Variants in KDM4C observed in about 807,000 individuals in gnomAD.
KDM4C encodes lysine-specific demethylase 4C.
In KDM4C, 81 loss-of-function variants were observed where a neutral mutation model predicts 129.3. That is an observed-to-expected ratio of 0.63 (90% CI 0.52 to 0.75). The LOEUF (loss-of-function observed/expected upper bound fraction) is 0.75. Among genes scored for constraint, KDM4C ranks in the 30% least tolerant of loss-of-function variants. The pLI, the probability that KDM4C is intolerant of heterozygous loss-of-function variation, is 0.00. For missense variants in KDM4C, 1,457 were observed against 1,304.0 expected, an observed-to-expected ratio of 1.12 and a Z score of -1.81; for synonymous variants, 573 against 456.1, an observed-to-expected ratio of 1.26 and a Z score of -3.26.
chr9:7,138,219 G>A (rs1841406356), intron 19 of KDM4C, among the ~76,000 whole-genome samples: 1 of 152,188 alleles, frequency 6.6e-6, no homozygotes, highest in African/African-American at 2.4e-5. Context: ...GCTAAGAAGT[G>A]AGTGAAATGC....
chr9:7,014,099 C>T lies in KDM4C; in HGVS notation c.2182+98C>T, dbSNP rs1466819040. On this transcript the variant is annotated intron_variant, in intron 14 of 21. Transcript: ENST00000381309. ...GAACCTGTCAGATCTGTTGCATGGA[C>T]TATTGGCATTCTTAATGGTTATATC... 3.4e-6 allele frequency: 3 copies of T among 873,332 alleles called. No homozygotes were observed. In the African/African-American group the frequency reaches 5.1e-5, roughly 15 times the overall value. 54.1% of individuals were successfully genotyped at this position (873,332 alleles called of 1,614,324 possible).
chr9:6,801,884 C>T (rs1206329791), intron 2 of KDM4C, among the ~76,000 whole-genome samples: 1 of 151,924 alleles, frequency 6.6e-6, no homozygotes, highest in Non-Finnish European at 1.5e-5. Flanking sequence ...GCGGGTGGAT[C>T]ACCTGAGGTC....
intron 10 of KDM4C, among the ~76,000 whole-genome samples, chr9:6,985,064 C>CA (rs1817453336): frequency 6.6e-6 from 1 of 152,148 alleles, no homozygotes; most frequent in African/African-American, 2.4e-5. Flanking sequence ...GGGATTCCCC[C>CA]CTCCGCCAGA....
chr9:7,165,340 A>T lies in KDM4C; in HGVS notation c.2884A>T (p.Ile962Phe). Residue 962 changes from isoleucine to phenylalanine, a missense_variant, in exon 20 of 22, where the codon ATT becomes TTT. Physicochemically the swap from Ile to Phe is conservative, Grantham distance 21. Coordinates refer to ENST00000381309, the MANE Select transcript of KDM4C (RefSeq NM_015061.6). The stretch of plus-strand genomic sequence containing the variant: ...TGGAGCAAAATATTTTGGATCAAAT[A>T]TTGCCCACATGTACCAGGTGGGTTC... ...LYGAKYFGSN[I>F]AHMYQVEFED... The T allele has an allele frequency of 1.2e-6, 2 of 1,614,098 alleles. No homozygotes were observed. The highest frequency in any genetic ancestry group is 1.7e-5 in the Admixed American group (1 of 60,016).
intron 4 of KDM4C, among the ~76,000 whole-genome samples, chr9:6,845,978 GT>G (rs1837788624): frequency 6.6e-6 from 1 of 152,224 alleles, no homozygotes. Context: ...TGTAGCTGGG[GT>G]TTGGAGACTG....
chr9:6,785,302 A>G (rs1348387236), intron 1 of KDM4C, among the ~76,000 whole-genome samples: 3 of 149,150 alleles, frequency 2.0e-5, no homozygotes, highest in South Asian at 4.2e-4. Context: ...CCATCTTCAC[A>G]TGGCACTCTT....
intron 18 of KDM4C, among the ~76,000 whole-genome samples, chr9:7,126,870 A>AAAAG (rs143699178): frequency 2.0e-5 from 3 of 152,254 alleles, no homozygotes; most frequent in African/African-American, 7.2e-5. Flanking sequence ...AAAGAAAAGA[A>AAAAG]AAAGAAAGAA....
At chr9:7,060,387 A>G (rs989631875) in intron 17 of KDM4C, among the ~76,000 whole-genome samples, 2 of 151,090 alleles carry the variant, frequency 1.3e-5, no homozygotes, top group African/African-American at 4.8e-5. Context: ...CCCTTGACCC[A>G]GTAGCTCCTA....
chr9:7,018,021 C>T (rs544690360), intron 15 of KDM4C, among the ~76,000 whole-genome samples: 1 of 152,266 alleles, frequency 6.6e-6, no homozygotes, highest in African/African-American at 2.4e-5. Flanking sequence ...GAAGTCCCTG[C>T]ATCAGTGGGC....
intron 4 of KDM4C, among the ~76,000 whole-genome samples, chr9:6,821,531 GC>G (rs1401857176): frequency 2.0e-5 from 3 of 152,102 alleles, no homozygotes; most frequent in Non-Finnish European, 4.4e-5. Context: ...TTTGAGAAGC[GC>G]CTGTTCATAT....
chr9:6,863,344 A>G (rs1479770906), intron 5 of KDM4C, among the ~76,000 whole-genome samples: 1 of 152,152 alleles, frequency 6.6e-6, no homozygotes, highest in African/African-American at 2.4e-5. Flanking sequence ...GGAATACCTG[A>G]GGCAGGGTAA....
At chr9:6,948,263 C>A (rs891077146) in intron 8 of KDM4C, 1 of 152,180 alleles carries the variant, frequency 6.6e-6, no homozygotes, top group Non-Finnish European at 1.5e-5. Flanking sequence ...ATTTGCAAAA[C>A]TACTTGAATC....
intron 7 of KDM4C, among the ~76,000 whole-genome samples, 187 bp from the exon 8 acceptor site, chr9:6,892,908 T>A (rs1846304839): frequency 6.6e-6 from 1 of 152,190 alleles, no homozygotes; most frequent in African/African-American, 2.4e-5. Context: ...TTTAGGAAAG[T>A]CTTTTAAACG....
chr9:6,864,070 T>G (rs1841483498), intron 5 of KDM4C, among the ~76,000 whole-genome samples: 1 of 152,246 alleles, frequency 6.6e-6, no homozygotes, highest in East Asian at 1.9e-4. Context: ...TTTGTTCATG[T>G]ACTTAATTTT....
At chr9:7,107,091 C>T (rs1837779741) in intron 18 of KDM4C, among the ~76,000 whole-genome samples, 1 of 152,164 alleles carries the variant, frequency 6.6e-6, no homozygotes, top group Non-Finnish European at 1.5e-5. Flanking sequence ...TGCTGTGTTT[C>T]AGATGTAAGG....
At chr9:7,036,723 G>A (rs1426665279) in intron 15 of KDM4C, among the ~76,000 whole-genome samples, 1 of 152,132 alleles carries the variant, frequency 6.6e-6, no homozygotes, top group African/African-American at 2.4e-5. Context: ...AATATTTTCA[G>A]TTGGTTAGAA....
chr9:7,168,652 T>C (rs1384445000), intron 20 of KDM4C, among the ~76,000 whole-genome samples: 2 of 152,206 alleles, frequency 1.3e-5, no homozygotes, highest in African/African-American at 4.8e-5. Context: ...TGTTAGGAGG[T>C]TGAGAAACAG....
intron 18 of KDM4C, among the ~76,000 whole-genome samples, chr9:7,111,060 CT>C (rs1269414985): frequency 2.0e-5 from 3 of 152,172 alleles, no homozygotes; most frequent in Non-Finnish European, 4.4e-5. Flanking sequence ...CTCCATCCGA[CT>C]TCATTCTTGC....
At chr9:6,902,989 T>G (rs1817662183) in intron 8 of KDM4C, among the ~76,000 whole-genome samples, 1 of 152,160 alleles carries the variant, frequency 6.6e-6, no homozygotes, top group Non-Finnish European at 1.5e-5. Flanking sequence ...AAGGCCGTGT[T>G]TTGTAATCCC....
Sources: gnomAD v4.1 joint callset for allele counts (sites outside exome capture counted in the v4.1 genomes callset) on GRCh38, gnomAD v4.1.1 for gene constraint, MANE v1.5 for transcripts, NCBI Gene and HGNC (gene_info 2026-07-23, HGNC 2026-07-21) for gene names.